PTPN13: variants seen among roughly 807,000 people sequenced by gnomAD.
The protein encoded by PTPN13 is protein tyrosine phosphatase non-receptor type 13.
Under a neutral mutation model 284.0 loss-of-function variants are expected in PTPN13, and 191 were observed. The ratio of observed to expected loss-of-function variants is 0.67; its 90% CI spans 0.60 to 0.76. PTPN13 has a LOEUF of 0.76. PTPN13 is among the 30% of genes least tolerant of loss of function. PTPN13 has a pLI of 0.00. For missense variants in PTPN13, 2,797 were observed against 2,939.9 expected (o/e 0.95, Z 1.12); for synonymous variants, 986 against 1,022.3 (o/e 0.96, Z 0.68).
rs369974108 is a variant in PTPN13, at chr4:86,686,793, A to G, written c.360+18A>G. On this transcript the variant is annotated intron_variant, in intron 4 of 47. Transcript: ENST00000411767. ...AGAGCCAAGTAAGTTAAGTTTTTAC[A>G]GTTGTTATACTTTTTACATATGTTC... The G allele has an allele frequency of 2.0e-6, 3 of 1,516,156 alleles. No homozygotes were observed. Among genetic ancestry groups the G allele is most frequent in the South Asian group, 1.2e-5 (1 of 81,924 alleles). 93.9% of individuals were successfully genotyped at this position (1,516,156 alleles called of 1,614,324 possible).
rs1735045514 is a variant in PTPN13 at position 86,732,413 on chromosome 4, C to G, written c.1622C>G (p.Pro541Arg). 2.5e-6 allele frequency: 4 copies of G among 1,596,062 alleles called. No homozygotes were observed. Among genetic ancestry groups the G allele is most frequent in the Non-Finnish European group, 2.6e-6 (3 of 1,169,884 alleles). ...TQRKLRNFFG[P>R]EFVKMTIEPF... is the part of the protein sequence containing the mutation. ...TGTGATTTGCAGAATTTCTTTGGCC[C>G]TGAGTTTGTGAAAATGACAATTGAA... Residue 541 changes from proline to arginine, a missense_variant, in exon 11 of 48, where the codon CCT becomes CGT. Physicochemically the swap from Pro to Arg is moderately radical, Grantham distance 103. Transcript: ENST00000411767.
chr4:86,687,620 T>C (rs1056001983), intron 4 of PTPN13, among the ~76,000 whole-genome samples: 5 of 152,124 alleles, frequency 3.3e-5, no homozygotes, highest in Non-Finnish European at 7.4e-5. Context: ...TTCTTCACTT[T>C]GTTTGGTTTT....
At chr4:86,702,921 T>C (rs977343211) in intron 7 of PTPN13, among the ~76,000 whole-genome samples, 3 of 152,124 alleles carry the variant, frequency 2.0e-5, no homozygotes, top group Non-Finnish European at 2.9e-5. Context: ...TATTCTAGTG[T>C]AATATTTTTT....
chr4:86,757,569 A>C (rs1738120703), intron 20 of PTPN13, among the ~76,000 whole-genome samples: 1 of 151,978 alleles, frequency 6.6e-6, no homozygotes, highest in Non-Finnish European at 1.5e-5. Context: ...CAGGAGTTCA[A>C]GACCAGTCTG....
At chr4:86,687,576 C>T (rs972390966) in intron 4 of PTPN13, among the ~76,000 whole-genome samples, 1 of 152,038 alleles carries the variant, frequency 6.6e-6, no homozygotes, top group Admixed American at 6.6e-5. Flanking sequence ...TTCTAAAATA[C>T]AAACATCTTA....
At chr4:86,736,259 A>G (rs34371873) in intron 15 of PTPN13, among the ~76,000 whole-genome samples, 12,445 of 152,262 alleles carry the variant, frequency 0.082, 648 homozygotes, top group Non-Finnish European at 0.11. Context: ...TCTACAGTCT[A>G]TTAGACCTAT....
At chr4:86,635,184 G>A in intron 1 of PTPN13, 68 bp from the exon 2 acceptor site, 1 of 1,509,266 alleles carries the variant, frequency 6.6e-7, no homozygotes. Flanking sequence ...CACTGATGTA[G>A]AGCTTTTACT....
intron 20 of PTPN13, among the ~76,000 whole-genome samples, chr4:86,757,506 A>G (rs534902032): frequency 1.3e-5 from 2 of 152,258 alleles, no homozygotes; most frequent in East Asian, 3.9e-4. Flanking sequence ...ACCGTGGCTC[A>G]CACCTGAAAT....
At chr4:86,796,777 T>C (rs1743388002) in intron 40 of PTPN13, 97 bp from the exon 41 acceptor site, 2 of 753,794 alleles carry the variant, frequency 2.7e-6, no homozygotes, top group Admixed American at 2.7e-5. Context: ...GGATGAACAA[T>C]AACAGTAAAT....
intron 1 of PTPN13, among the ~76,000 whole-genome samples, chr4:86,600,240 A>G (rs950732320): frequency 2.0e-5 from 3 of 152,076 alleles, no homozygotes; most frequent in African/African-American, 7.2e-5. Flanking sequence ...CCACTTGGTA[A>G]CTACTGATGC....
At chr4:86,762,687 C>A in intron 23 of PTPN13, 40 bp from the exon 24 acceptor site, 1 of 1,438,216 alleles carries the variant, frequency 7.0e-7, no homozygotes, top group Non-Finnish European at 9.6e-7. Flanking sequence ...GCACGTGTAT[C>A]ACTAACTTGT....
At chr4:86,708,954 TTCTC>T (rs952934570) in intron 7 of PTPN13, among the ~76,000 whole-genome samples, 1 of 151,782 alleles carries the variant, frequency 6.6e-6, no homozygotes, top group Non-Finnish European at 1.5e-5. Flanking sequence ...CCCTTTTTCT[TTCTC>T]TCCTCCCCAC....
In PTPN13 at chr4:86,793,376, G is replaced by A. The variant is rs139513050; in HGVS notation, c.6346-3498G>A. Among the ~76,000 whole-genome samples, 335 of 152,264 alleles carry A rather than the reference G, an allele frequency of 2.2e-3. 1 individual carries two copies. The highest frequency in any genetic ancestry group is 7.8e-3 in the African/African-American group (326 of 41,552). On this transcript the variant is annotated intron_variant, in intron 40 of 47. Transcript: ENST00000411767. ...AAGCAAATCTTTAGAGACCTACAAA[G>A]AGACTTGGACTCCTACACAATAATA...
chr4:86,723,635 G>A (rs951499749), intron 10 of PTPN13, among the ~76,000 whole-genome samples: 38 of 152,154 alleles, frequency 2.5e-4, no homozygotes, highest in African/African-American at 8.9e-4. Flanking sequence ...CATTTGATAC[G>A]TATTGTCAAA....
chr4:86,667,667 G>A (rs924719961), intron 2 of PTPN13, among the ~76,000 whole-genome samples: 2 of 152,082 alleles, frequency 1.3e-5, no homozygotes, highest in African/African-American at 4.8e-5. Flanking sequence ...TATTATAGAG[G>A]GACTTTGTCA....
In PTPN13 at chr4:86,714,286, T is replaced by G. The variant is rs144593892; in HGVS notation, c.1196-2244T>G. 5.6e-3 allele frequency among the ~76,000 whole-genome samples: 857 copies of G among 152,308 alleles called. 6 individuals are homozygous for G. Among genetic ancestry groups the G allele is most frequent in the African/African-American group, 0.02 (824 of 41,568 alleles). On this transcript the variant is annotated intron_variant, in intron 7 of 47. Coordinates refer to ENST00000411767, the MANE Select transcript of PTPN13 (RefSeq NM_080683.3). The stretch of plus-strand genomic sequence containing the variant: ...GACTTTTTATTTCCAGGCAACATTA[T>G]GATATGAATATCTTGGGATTGCCTC...
chr4:86,715,620 C>G (rs1357849175), intron 7 of PTPN13, among the ~76,000 whole-genome samples: 7 of 152,192 alleles, frequency 4.6e-5, no homozygotes, highest in African/African-American at 1.7e-4. Flanking sequence ...TAGTTGAGGA[C>G]CAGCTTATAA....
Position 86,722,385 on chromosome 4 carries a change from C to T in PTPN13, c.1559C>T (p.Pro520Leu), listed in dbSNP as rs776078631. Residue 520 changes from proline to leucine, a missense_variant, in exon 10 of 48, where the codon CCG (proline) becomes CTG (leucine). By Grantham distance (98) the Pro-to-Leu change is moderately conservative. Coordinates refer to ENST00000411767, the MANE Select transcript of PTPN13 (RefSeq NM_080683.3). ...TCCATGCTTGACATCACCAGGGATC[C>T]GTTAAGAGAAATTGCCCTAGAAACA... Reference protein sequence around the residue: ...KASMLDITRDPLREIALETAM... With the variant: ...KASMLDITRDLLREIALETAM... 55 of 1,613,488 alleles carry T rather than the reference C, an allele frequency of 3.4e-5. 1 individual carries two copies. The highest frequency in any genetic ancestry group is 1.1e-4 in the African/African-American group (8 of 74,820).
intron 7 of PTPN13, among the ~76,000 whole-genome samples, chr4:86,715,140 T>G (rs775516486): frequency 1.3e-5 from 2 of 152,114 alleles, no homozygotes; most frequent in Non-Finnish European, 2.9e-5. Flanking sequence ...CAGAATTCGT[T>G]TAGGGAAGTG....
Sources: allele counts gnomAD v4.1 joint callset (sites outside exome capture counted in the v4.1 genomes callset), GRCh38; gene constraint gnomAD v4.1.1; transcripts MANE v1.5; gene names NCBI Gene and HGNC (gene_info 2026-07-23, HGNC 2026-07-21).